SRGAP2: variants seen among roughly 807,000 people sequenced by gnomAD.
The protein encoded by SRGAP2 is SLIT-ROBO Rho GTPase activating protein 2.
SRGAP2 carries 15 observed loss-of-function variants against 57.2 expected under a neutral mutation model. The ratio of observed to expected loss-of-function variants is 0.26; its 90% CI spans 0.18 to 0.40. SRGAP2 has a LOEUF of 0.40. Ranked by LOEUF, SRGAP2 falls within the 10% of genes least tolerant of loss-of-function variation. The pLI, the probability that SRGAP2 is intolerant of heterozygous loss-of-function variation, is 1.00. For missense variants in SRGAP2, 520 were observed against 669.6 expected, an observed-to-expected ratio of 0.78 and a Z score of 2.47; for synonymous variants, 249 against 248.0, an observed-to-expected ratio of 1.00 and a Z score of -0.04.
chr1:206,350,864 G>A (rs1483801059), intron 4 of SRGAP2, among the ~76,000 whole-genome samples: 1 of 151,630 alleles, frequency 6.6e-6, no homozygotes, highest in African/African-American at 2.4e-5. Context: ...AGAGTGCTGA[G>A]GAAGGAATGT....
chr1:206,388,318 A>G (rs1193882461), intron 5 of SRGAP2, among the ~76,000 whole-genome samples: 8 of 152,186 alleles, frequency 5.3e-5, no homozygotes, highest in African/African-American at 1.9e-4. Context: ...CCTTGAAACA[A>G]TGGCACTTAA....
chr1:206,436,888 G>T, intron 14 of SRGAP2, 77 bp from the exon 15 acceptor site: 1 of 772,492 alleles, frequency 1.3e-6, no homozygotes. Flanking sequence ...GGGGGAGACA[G>T]ATATTCAACT....
At chr1:206,248,217 G>T (rs1443876183) in intron 2 of SRGAP2, among the ~76,000 whole-genome samples, 1 of 151,726 alleles carries the variant, frequency 6.6e-6, no homozygotes, top group African/African-American at 2.4e-5. Flanking sequence ...TACCTTTTCA[G>T]TTACCCTCAT....
At chr1:206,373,280 G>C (rs1275594577) in intron 4 of SRGAP2, among the ~76,000 whole-genome samples, 1 of 114,626 alleles carries the variant, frequency 8.7e-6, no homozygotes, top group Non-Finnish European at 1.8e-5. Flanking sequence ...ATTTTTAGTA[G>C]AGACAGCGTT....
intron 5 of SRGAP2, among the ~76,000 whole-genome samples, chr1:206,391,593 C>T (rs1572031941): frequency 7.9e-6 from 1 of 125,998 alleles, no homozygotes. Flanking sequence ...TACCTTTGCA[C>T]TCCTGTGTTA....
intron 2 of SRGAP2, among the ~76,000 whole-genome samples, chr1:206,279,239 C>T (rs1389632022): frequency 2.4e-5 from 1 of 42,384 alleles, no homozygotes; most frequent in Non-Finnish European, 4.3e-5. Flanking sequence ...CCCCCATTCT[C>T]TGGCATACAG....
intron 2 of SRGAP2, among the ~76,000 whole-genome samples, chr1:206,286,328 T>G (rs1437691266): frequency 7.5e-4 from 114 of 152,336 alleles, no homozygotes; most frequent in African/African-American, 2.6e-3. Flanking sequence ...GTTTCCTTTT[T>G]TAATTTCTAA....
Position 206,461,159 on chromosome 1 carries a change from G to C in SRGAP2, c.2955G>C (p.Val985=), listed in dbSNP as rs187055077. The C allele has an allele frequency of 1.3e-6, 1 of 780,544 alleles. No homozygotes were observed. The highest frequency in any genetic ancestry group is 2.4e-6 in the Non-Finnish European group (1 of 417,842). 48.4% of individuals were successfully genotyped at this position (780,544 alleles called of 1,614,324 possible). ...TGGAGCCCCTCAAAACCTCCCCAGT[G>C]GTGGCCCCCACGTCAGAGCCCTCCA... ...DTLEPLKTSP[V]VAPTSEPSSP... Residue 985 remains valine (V), a synonymous_variant, in exon 23 of 23, where the codon GTG becomes GTC. Coordinates refer to ENST00000573034, the MANE Select transcript of SRGAP2 (RefSeq NM_015326.5).
chr1:206,291,891 T>C (rs1390166145), intron 2 of SRGAP2, among the ~76,000 whole-genome samples: 3 of 149,008 alleles, frequency 2.0e-5, no homozygotes, highest in Non-Finnish European at 3.0e-5. Context: ...GATTCTTTCA[T>C]TGGAATAAGT....
chr1:206,266,530 A>G (rs1669859910), intron 2 of SRGAP2, among the ~76,000 whole-genome samples: 2 of 152,234 alleles, frequency 1.3e-5, no homozygotes, highest in Non-Finnish European at 2.9e-5. Flanking sequence ...GGCATGAGCC[A>G]CCACGCCCGA....
chr1:206,461,520 G>C lies in SRGAP2; in HGVS notation c.*100G>C. ...GCTTGGGGACTTCAGTTGAAAATTA[G>C]GTTCTAAGTTGTTCTTGCAGGAATT... On this transcript the variant is annotated 3_prime_UTR_variant, in exon 23 of 23. Coordinates refer to ENST00000573034, the MANE Select transcript of SRGAP2 (RefSeq NM_015326.5). 1.5e-6 allele frequency: 1 copy of C among 660,018 alleles called. No individual in the cohort carries two copies. 40.9% of individuals were successfully genotyped at this position (660,018 alleles called of 1,614,324 possible).
chr1:206,214,217 AC>A, intron 2 of SRGAP2, among the ~76,000 whole-genome samples: 1 of 152,250 alleles, frequency 6.6e-6, no homozygotes, highest in South Asian at 2.1e-4. Context: ...TGGAAGCCTA[AC>A]TTGACTGCTT....
At chr1:206,417,504 A>G (rs192247954) in intron 11 of SRGAP2, among the ~76,000 whole-genome samples, 2 of 139,882 alleles carry the variant, frequency 1.4e-5, no homozygotes, top group Non-Finnish European at 3.0e-5. Context: ...TGCAAACTCC[A>G]CCTCCCAGGT....
At chr1:206,440,981 G>T (rs1482607567) in intron 17 of SRGAP2, among the ~76,000 whole-genome samples, 1 of 152,248 alleles carries the variant, frequency 6.6e-6, no homozygotes, top group Non-Finnish European at 1.5e-5. Context: ...AGAGGTGTTA[G>T]TGGCTGAGTC....
intron 4 of SRGAP2, among the ~76,000 whole-genome samples, chr1:206,362,553 GA>G (rs1345823142): frequency 6.8e-6 from 1 of 146,522 alleles, no homozygotes; most frequent in African/African-American, 2.5e-5. Flanking sequence ...ATGAATTAAA[GA>G]AAAAAAATTC....
chr1:206,432,053 T>G (rs2103295983), intron 14 of SRGAP2, among the ~76,000 whole-genome samples: 1 of 152,272 alleles, frequency 6.6e-6, no homozygotes, highest in East Asian at 1.9e-4. Flanking sequence ...ACTGGAGAAT[T>G]TTGAACAGGG....
intron 10 of SRGAP2, among the ~76,000 whole-genome samples, chr1:206,412,686 C>T (rs1332055256): frequency 6.6e-6 from 1 of 151,870 alleles, no homozygotes; most frequent in Non-Finnish European, 1.5e-5. Context: ...TCTTCCCTTG[C>T]ATTCTTCAGC....
At chr1:206,427,897 C>A (rs1660942882) in intron 13 of SRGAP2, among the ~76,000 whole-genome samples, 3 of 152,048 alleles carry the variant, frequency 2.0e-5, no homozygotes, top group African/African-American at 7.2e-5. Flanking sequence ...TTACTTGAGG[C>A]TAGGAGTTTG....
At chr1:206,438,181 G>T in intron 16 of SRGAP2, 83 bp downstream of exon 16, 1 of 708,454 alleles carries the variant, frequency 1.4e-6, no homozygotes, top group Non-Finnish European at 2.6e-6. Flanking sequence ...GGGTCTGTGT[G>T]TTCTCATAAG....
Sources: allele counts gnomAD v4.1 joint callset (sites outside exome capture counted in the v4.1 genomes callset), GRCh38; gene constraint gnomAD v4.1.1; transcripts MANE v1.5; gene names NCBI Gene and HGNC (gene_info 2026-07-23, HGNC 2026-07-21).